Variants in OCA2 observed in about 807,000 individuals in gnomAD.
The protein encoded by OCA2 is OCA2 melanosomal transmembrane protein, also known as P protein.
A neutral mutation model predicts 100.2 loss-of-function variants in OCA2; 77 were observed. The ratio of observed to expected loss-of-function variants is 0.77; its 90% CI spans 0.64 to 0.93. The LOEUF is 0.93. Ranked by LOEUF, OCA2 falls within the 40% of genes least tolerant of loss-of-function variation. OCA2 has a pLI of 0.00. For synonymous variants in OCA2, 432 were observed against 439.2 expected, an observed-to-expected ratio of 0.98 and a Z score of 0.21; for missense variants, 1,062 against 1,089.1, an observed-to-expected ratio of 0.98 and a Z score of 0.35.
At chr15:28,015,258 A>G (rs2141232607) in intron 8 of OCA2, among the ~76,000 whole-genome samples, 1 of 152,314 alleles carries the variant, frequency 6.6e-6, no homozygotes, top group South Asian at 2.1e-4. Flanking sequence ...TTACCTGCTA[A>G]CTAAGAGCAA....
intron 19 of OCA2, among the ~76,000 whole-genome samples, chr15:27,883,749 A>G (rs77208499): frequency 0.056 from 8,531 of 152,190 alleles, 816 homozygotes; most frequent in African/African-American, 0.19. Flanking sequence ...AGTCCCTGGG[A>G]TCTCTGGGCT....
At chr15:27,805,455 G>T (rs368023985) in intron 23 of OCA2, among the ~76,000 whole-genome samples, 2 of 152,210 alleles carry the variant, frequency 1.3e-5, no homozygotes, top group East Asian at 3.9e-4. Context: ...GCGGGGACCC[G>T]GTGTAAAACG....
chr15:27,955,482 G>A (rs955148311), intron 16 of OCA2, among the ~76,000 whole-genome samples: 5 of 152,226 alleles, frequency 3.3e-5, no homozygotes, highest in African/African-American at 1.2e-4. Flanking sequence ...CGCAGGGGAA[G>A]CTTCACGAAA....
the OCA2 span, among the ~76,000 whole-genome samples, chr15:27,732,211 A>G: frequency 3.3e-5 from 5 of 152,268 alleles, no homozygotes; most frequent in Admixed American, 6.5e-5. Flanking sequence ...AATGAATTCC[A>G]TCATGCATGA....
chr15:27,918,089 A>ATTTTTTTT (rs34943192), intron 19 of OCA2, among the ~76,000 whole-genome samples: 1 of 103,176 alleles, frequency 9.7e-6, no homozygotes, highest in Non-Finnish European at 2.0e-5. Flanking sequence ...CTCCCTCTTG[A>ATTTTTTTT]TTTTTTTTTT....
chr15:27,823,371 G>A lies in OCA2; in HGVS notation c.2432+21588C>T, dbSNP rs563151737. On this transcript the variant is annotated intron_variant, in intron 23 of 23. Transcript: ENST00000354638. The stretch of plus-strand genomic sequence containing the variant: ...GGAGGGAGGAAGAAAGATAGGTCAC[G>A]GATTTGTATAAATAAGTCATATGCC... 5.6e-4 allele frequency among the ~76,000 whole-genome samples: 84 copies of A among 149,686 alleles called. 1 individual carries two copies. The highest frequency in any genetic ancestry group is 2.0e-3 in the African/African-American group (80 of 40,848).
intron 22 of OCA2, among the ~76,000 whole-genome samples, chr15:27,848,744 T>C (rs1878428227): frequency 6.6e-6 from 1 of 152,216 alleles, no homozygotes; most frequent in South Asian, 2.1e-4. Context: ...AACAGTGAGA[T>C]TTTCCACTTG....
At chr15:27,961,179 C>T (rs2040400199) in intron 15 of OCA2, among the ~76,000 whole-genome samples, 1 of 152,136 alleles carries the variant, frequency 6.6e-6, no homozygotes, top group Non-Finnish European at 1.5e-5. Flanking sequence ...ATTTATGCGA[C>T]CAACAAACAT....
At chr15:27,805,993 C>T (rs2033829564) in intron 23 of OCA2, among the ~76,000 whole-genome samples, 2 of 152,208 alleles carry the variant, frequency 1.3e-5, no homozygotes, top group African/African-American at 4.8e-5. Context: ...GTTTGTCAGG[C>T]CGTGACAAAC....
At chr15:27,881,796 T>C (rs561516222) in intron 19 of OCA2, among the ~76,000 whole-genome samples, 3 of 152,292 alleles carry the variant, frequency 2.0e-5, no homozygotes, top group African/African-American at 7.2e-5. Context: ...AGTCTACCTG[T>C]CCTATTGATT....
chr15:28,051,583 C>T (rs1480789065), intron 2 of OCA2, among the ~76,000 whole-genome samples: 5 of 145,882 alleles, frequency 3.4e-5, no homozygotes, highest in Admixed American at 2.7e-4. Context: ...TGAGCCACTG[C>T]GCCTGGCCTT....
chr15:28,005,414 C>A (rs2042062271), intron 9 of OCA2, among the ~76,000 whole-genome samples: 1 of 152,144 alleles, frequency 6.6e-6, no homozygotes, highest in Non-Finnish European at 1.5e-5. Context: ...CCAAACCCAC[C>A]CTCCTCTGGT....
chr15:27,882,376 T>C (rs1260501064), intron 19 of OCA2, among the ~76,000 whole-genome samples: 2 of 152,230 alleles, frequency 1.3e-5, no homozygotes, highest in African/African-American at 2.4e-5. Context: ...TAAGGTGTTG[T>C]AGTTTCATTT....
At chr15:28,055,636 A>G (rs2043668318) in intron 2 of OCA2, among the ~76,000 whole-genome samples, 1 of 152,190 alleles carries the variant, frequency 6.6e-6, no homozygotes, top group Non-Finnish European at 1.5e-5. Flanking sequence ...CTCCCAGGCC[A>G]CATCACAGTG....
chr15:27,880,150 T>C (rs2036956215), intron 19 of OCA2, among the ~76,000 whole-genome samples: 1 of 152,190 alleles, frequency 6.6e-6, no homozygotes, highest in Admixed American at 6.5e-5. Flanking sequence ...TTGCTGAAGA[T>C]CAGATGGTTG....
chr15:28,024,168 C>T (rs2141312556), intron 5 of OCA2, among the ~76,000 whole-genome samples: 1 of 152,272 alleles, frequency 6.6e-6, no homozygotes, highest in East Asian at 1.9e-4. Flanking sequence ...CTGTGCCTTT[C>T]CCTTGATGGG....
intron 21 of OCA2, among the ~76,000 whole-genome samples, chr15:27,853,479 C>G (rs959686245): frequency 4.1e-5 from 6 of 147,286 alleles, no homozygotes; most frequent in African/African-American, 1.0e-4. Flanking sequence ...TGCTAAATGA[C>G]GAGTTAATGG....
At chr15:28,060,303 G>A (rs1041715351) in intron 2 of OCA2, among the ~76,000 whole-genome samples, 5 of 152,212 alleles carry the variant, frequency 3.3e-5, no homozygotes, top group African/African-American at 1.2e-4. Flanking sequence ...GGGATGTGCT[G>A]ACCAGACCAG....
chr15:27,959,452 G>C (rs902813921), intron 15 of OCA2, among the ~76,000 whole-genome samples: 3 of 152,210 alleles, frequency 2.0e-5, no homozygotes, highest in African/African-American at 7.2e-5. Context: ...GGTCTCCAAT[G>C]TAAGTTCAGA....
Sources: allele counts gnomAD v4.1 joint callset (sites outside exome capture counted in the v4.1 genomes callset), GRCh38; gene constraint gnomAD v4.1.1; transcripts MANE v1.5; gene names NCBI Gene and HGNC (gene_info 2026-07-23, HGNC 2026-07-21).